The following NCAM2 variants were observed in gnomAD, a reference collection of about 807,000 sequenced individuals.
The protein encoded by NCAM2 is neural cell adhesion molecule 2.
Under a neutral mutation model 98.1 loss-of-function variants are expected in NCAM2, and 30 were observed. The observed-to-expected ratio is 0.31, with a 90% confidence interval of 0.23 to 0.41. The LOEUF is 0.41. Ranked by LOEUF, NCAM2 falls within the 10% of genes least tolerant of loss-of-function variation. NCAM2 has a pLI of 1.00. For synonymous variants in NCAM2, 368 were observed against 342.4 expected, an observed-to-expected ratio of 1.07 and a Z score of -0.83; for missense variants, 867 against 1,005.8, an observed-to-expected ratio of 0.86 and a Z score of 1.87.
intron 5 of NCAM2, among the ~76,000 whole-genome samples, chr21:21,315,188 C>T (rs1274607097): frequency 6.6e-6 from 1 of 152,108 alleles, no homozygotes; most frequent in Non-Finnish European, 1.5e-5. Flanking sequence ...TCAGATCTGT[C>T]CTGCATGTGT....
chr21:21,409,006 A>C (rs2076801857), intron 9 of NCAM2, among the ~76,000 whole-genome samples: 1 of 120,834 alleles, frequency 8.3e-6, no homozygotes, highest in East Asian at 1.9e-4. Context: ...AATATTTAAA[A>C]GTTAAATGAC....
intron 15 of NCAM2, among the ~76,000 whole-genome samples, chr21:21,495,286 A>G (rs1163968749): frequency 2.6e-5 from 4 of 152,020 alleles, no homozygotes; most frequent in Admixed American, 1.3e-4. Flanking sequence ...TAATTCAACA[A>G]CTAATCATAT....
At position 21,056,860 on chromosome 21, in the gene NCAM2, C is replaced by T. The variant is rs1014841101; in HGVS notation, c.55+58242C>T. On this transcript the variant is annotated intron_variant, in intron 1 of 17. Transcript: ENST00000400546. ...TCAGGGTGCTCTTTCATAATTGGAGCGAGAATCATGTAACAGTTAAGAAAC... is the reference window on the plus strand; with the variant it reads ...TCAGGGTGCTCTTTCATAATTGGAGTGAGAATCATGTAACAGTTAAGAAAC... Among the ~76,000 whole-genome samples, 7 of 152,068 alleles carry T rather than the reference C, an allele frequency of 4.6e-5. No homozygotes were observed. The East Asian group carries it at 7.7e-4, about 17-fold the overall frequency.
chr21:21,131,986 A>C (rs181180900), intron 1 of NCAM2, among the ~76,000 whole-genome samples: 1 of 152,314 alleles, frequency 6.6e-6, no homozygotes, highest in East Asian at 1.9e-4. Context: ...ACTTCTGTGG[A>C]TCAGAAATTT....
intron 1 of NCAM2, among the ~76,000 whole-genome samples, chr21:21,249,589 G>T (rs758885828): frequency 6.6e-6 from 1 of 152,102 alleles, no homozygotes; most frequent in African/African-American, 2.4e-5. Flanking sequence ...TGACAAATTT[G>T]TGCTAAGATA....
chr21:21,001,220 C>A (rs1432996206), intron 1 of NCAM2, among the ~76,000 whole-genome samples: 1 of 152,122 alleles, frequency 6.6e-6, no homozygotes, highest in Non-Finnish European at 1.5e-5. Context: ...AATGCCAATA[C>A]TATAATTAGC....
Position 21,463,687 on chromosome 21 carries a change from G to A in NCAM2, c.1655-2919G>A, listed in dbSNP as rs1430766267. 2.0e-5 allele frequency: 3 copies of A among 152,242 alleles called. No individual in the cohort carries two copies. The East Asian group carries it at 5.8e-4, about 29-fold the overall frequency. The allele number at this position is 152,242 out of a possible 1,614,324, so 9.4% of individuals were successfully genotyped here. On this transcript the variant is annotated intron_variant, in intron 12 of 17. Coordinates refer to ENST00000400546, the MANE Select transcript of NCAM2 (RefSeq NM_004540.5). ...AGGAAACAGGGAAATTCCATTCTGA[G>A]TTGATACAGTGTAACTAAGGAAATA...
At chr21:21,440,938 ACAAT>A (rs745475824) in intron 12 of NCAM2, among the ~76,000 whole-genome samples, 99 of 152,276 alleles carry the variant, frequency 6.5e-4, no homozygotes, top group Non-Finnish European at 1.2e-3. Context: ...AGTCAAGTTA[ACAAT>A]CAAACTCATT....
At chr21:21,027,408 A>T (rs189655710) in intron 1 of NCAM2, among the ~76,000 whole-genome samples, 1 of 152,322 alleles carries the variant, frequency 6.6e-6, no homozygotes, top group East Asian at 1.9e-4. Context: ...CCTGCCAGGA[A>T]CTATAAGTTT....
chr21:21,151,810 ATTATTCCTGATGCACTGTCACCATTGTTC>A (rs1318320187), intron 1 of NCAM2, among the ~76,000 whole-genome samples: 4 of 151,776 alleles, frequency 2.6e-5, no homozygotes, highest in South Asian at 4.2e-4. Context: ...TCTTGTTTGC[ATTATTCCTGATGCACTGTCACCATTGTTC>A]TTATTTGTTC....
At chr21:21,421,007 AAAT>A (rs1161465178) in intron 11 of NCAM2, among the ~76,000 whole-genome samples, 1 of 151,662 alleles carries the variant, frequency 6.6e-6, no homozygotes, top group African/African-American at 2.4e-5. Context: ...ATAATTTTAT[AAAT>A]AATTAGATAT....
intron 16 of NCAM2, among the ~76,000 whole-genome samples, chr21:21,526,957 C>T (rs1369972647): frequency 1.3e-5 from 2 of 152,050 alleles, no homozygotes; most frequent in Non-Finnish European, 2.9e-5. Context: ...ACATTATGCA[C>T]TTCATAAAAA....
chr21:21,287,906 T>C (rs2073156835), intron 4 of NCAM2, among the ~76,000 whole-genome samples: 1 of 151,896 alleles, frequency 6.6e-6, no homozygotes, highest in Non-Finnish European at 1.5e-5. Flanking sequence ...AAAACACAGA[T>C]GATTGCCTTC....
chr21:21,490,621 CTT>C (rs910050760), intron 15 of NCAM2, among the ~76,000 whole-genome samples: 1 of 151,714 alleles, frequency 6.6e-6, no homozygotes, highest in African/African-American at 2.4e-5. Context: ...TCTAGCTAGT[CTT>C]ATTTTTTTTC....
At chr21:21,202,984 G>T (rs187833861) in intron 1 of NCAM2, among the ~76,000 whole-genome samples, 80 of 152,238 alleles carry the variant, frequency 5.3e-4, no homozygotes, top group African/African-American at 1.9e-3. Flanking sequence ...ATCAATAACA[G>T]TTGTTTGTCT....
intron 6 of NCAM2, among the ~76,000 whole-genome samples, chr21:21,325,779 T>A (rs1424066744): frequency 6.6e-6 from 1 of 152,162 alleles, no homozygotes; most frequent in Non-Finnish European, 1.5e-5. Flanking sequence ...CAGCATTTAT[T>A]TAACAGATAA....
intron 8 of NCAM2, among the ~76,000 whole-genome samples, chr21:21,362,926 C>G (rs2075685280): frequency 6.6e-6 from 1 of 152,112 alleles, no homozygotes; most frequent in Non-Finnish European, 1.5e-5. Flanking sequence ...ACATGACACA[C>G]TATAGTTGAT....
intron 1 of NCAM2, among the ~76,000 whole-genome samples, chr21:21,183,854 A>G (rs941574617): frequency 3.3e-5 from 5 of 152,142 alleles, no homozygotes; most frequent in Admixed American, 3.3e-4. Context: ...TTGGAAAAAT[A>G]ACGAAAAAAA....
intron 1 of NCAM2, among the ~76,000 whole-genome samples, chr21:21,172,557 T>TAGTGATTA (rs952432069): frequency 1.3e-5 from 2 of 152,176 alleles, no homozygotes; most frequent in African/African-American, 4.8e-5. Context: ...AACTATATAA[T>TAGTGATTA]CACTTGATTG....
Sources: allele counts gnomAD v4.1 joint callset (sites outside exome capture counted in the v4.1 genomes callset), GRCh38; gene constraint gnomAD v4.1.1; transcripts MANE v1.5; gene names NCBI Gene and HGNC (gene_info 2026-07-23, HGNC 2026-07-21).